EPHA4: variants seen among roughly 807,000 people sequenced by gnomAD.
The protein encoded by EPHA4 is EPH receptor A4.
A neutral mutation model predicts 108.3 loss-of-function variants in EPHA4; 19 were observed. The observed-to-expected ratio is 0.18, with a 90% confidence interval of 0.12 to 0.26. The LOEUF is 0.26. Among genes scored for constraint, EPHA4 ranks in the 10% least tolerant of loss-of-function variants. The probability of loss-of-function intolerance (pLI) is 1.00; values close to 1 mark genes in which losing one functional copy is unlikely to be tolerated. For synonymous variants in EPHA4, 449 were observed against 455.5 expected (o/e 0.99, Z 0.18); for missense variants, 917 against 1,254.0 (o/e 0.73, Z 4.06).
chr2:221,449,662 C>T (rs530643318), intron 8 of EPHA4, among the ~76,000 whole-genome samples: 6 of 152,286 alleles, frequency 3.9e-5, no homozygotes, highest in East Asian at 3.9e-4. Flanking sequence ...TCTCAACCAA[C>T]GTGCTGTTCC....
chr2:221,441,465 C>T (rs538506042), intron 11 of EPHA4, among the ~76,000 whole-genome samples: 16 of 152,080 alleles, frequency 1.1e-4, no homozygotes, highest in East Asian at 3.9e-4. Context: ...CTCCCCATCC[C>T]GCTGAGAGCC....
intron 3 of EPHA4, among the ~76,000 whole-genome samples, chr2:221,504,659 G>C (rs1213893555): frequency 6.6e-6 from 1 of 151,996 alleles, no homozygotes; most frequent in Admixed American, 6.6e-5. Flanking sequence ...TAGTGCCTAA[G>C]AGTAGCTAAT....
intron 4 of EPHA4, among the ~76,000 whole-genome samples, chr2:221,490,504 A>G (rs1174081654): frequency 6.6e-6 from 1 of 152,206 alleles, no homozygotes; most frequent in Non-Finnish European, 1.5e-5. Context: ...CTCTCCCATG[A>G]TCGATGTATT....
At chr2:221,570,994 G>C (rs963633729) in intron 1 of EPHA4, among the ~76,000 whole-genome samples, 1 of 152,160 alleles carries the variant, frequency 6.6e-6, no homozygotes, top group African/African-American at 2.4e-5. Context: ...ATGCACGCAG[G>C]CCAGAGCACC....
chr2:221,531,131 T>C (rs1348844347), intron 3 of EPHA4, among the ~76,000 whole-genome samples: 5 of 152,122 alleles, frequency 3.3e-5, no homozygotes, highest in Non-Finnish European at 5.9e-5. Flanking sequence ...AAGTGAGATC[T>C]ACAATGAAAA....
chr2:221,440,440 T>G (rs3770194), intron 11 of EPHA4, among the ~76,000 whole-genome samples: 12,036 of 152,204 alleles, frequency 0.079, 628 homozygotes, highest in East Asian at 0.25. Context: ...AAAGGGAATG[T>G]TATCTTTTAA....
intron 3 of EPHA4, among the ~76,000 whole-genome samples, chr2:221,506,000 G>A (rs1378516791): frequency 6.6e-6 from 1 of 152,132 alleles, no homozygotes; most frequent in Non-Finnish European, 1.5e-5. Flanking sequence ...TTAATATAGA[G>A]TCGCTTGAGG....
Position 221,483,320 on chromosome 2 carries a change from G to A in EPHA4, c.980-630C>T, listed in dbSNP as rs1691887644. ...TCAAGGCTCCCAGACCCCTCCTCCT[G>A]CCCTTTAACTCGTGCATTCCCAGCA... On this transcript the variant is annotated intron_variant, in intron 4 of 17. Coordinates refer to ENST00000281821, the MANE Select transcript of EPHA4 (RefSeq NM_004438.5). 2.0e-5 allele frequency among the ~76,000 whole-genome samples: 3 copies of A among 152,116 alleles called. No individual in the cohort carries two copies. In the South Asian group the frequency reaches 6.2e-4, roughly 32 times the overall value.
chr2:221,483,070 T>G (rs1464355563), intron 4 of EPHA4, among the ~76,000 whole-genome samples: 2 of 152,232 alleles, frequency 1.3e-5, no homozygotes, highest in Non-Finnish European at 2.9e-5. Flanking sequence ...GTTGTGAGAC[T>G]CTGATAAATT....
rs142829011 is a variant in EPHA4 at position 221,435,069 on chromosome 2, G to A, written c.2347-778C>T. Among the ~76,000 whole-genome samples, 588 of 152,210 alleles carry A rather than the reference G, an allele frequency of 3.9e-3. 5 individuals carry two copies. The highest frequency in any genetic ancestry group is 0.013 in the African/African-American group (533 of 41,528). ...GTTCCACCTGGGGAAATTAATTCAAGTCTAATTCAGACCCCTGAGGTATCC... is the reference window on the plus strand; with the variant it reads ...GTTCCACCTGGGGAAATTAATTCAAATCTAATTCAGACCCCTGAGGTATCC... On this transcript the variant is annotated intron_variant, in intron 13 of 17. Coordinates refer to ENST00000281821, the MANE Select transcript of EPHA4 (RefSeq NM_004438.5).
chr2:221,567,204 A>G (rs530708545), intron 2 of EPHA4, among the ~76,000 whole-genome samples: 1 of 152,284 alleles, frequency 6.6e-6, no homozygotes, highest in South Asian at 2.1e-4. Context: ...TAAGAAAAAT[A>G]AGGCTCACTG....
chr2:221,486,164 T>C (rs1209881590), intron 4 of EPHA4, among the ~76,000 whole-genome samples: 1 of 152,180 alleles, frequency 6.6e-6, no homozygotes, highest in Non-Finnish European at 1.5e-5. Context: ...CTTGTTCTAA[T>C]TTTCTAGTCT....
At chr2:221,546,978 A>T (rs941411913) in intron 3 of EPHA4, among the ~76,000 whole-genome samples, 3 of 152,190 alleles carry the variant, frequency 2.0e-5, no homozygotes, top group African/African-American at 7.2e-5. Flanking sequence ...TTTTGTGGCT[A>T]TCATAATTCA....
chr2:221,499,756 A>ATATAT (rs1334015871), intron 4 of EPHA4, among the ~76,000 whole-genome samples: 10 of 26,220 alleles, frequency 3.8e-4, no homozygotes, highest in South Asian at 2.4e-3. Context: ...ATATATATAT[A>ATATAT]TTTTTTTTTT....
At chr2:221,545,919 T>G (rs1213111993) in intron 3 of EPHA4, among the ~76,000 whole-genome samples, 1 of 152,260 alleles carries the variant, frequency 6.6e-6, no homozygotes, top group Non-Finnish European at 1.5e-5. Context: ...GAAAGGTTTA[T>G]AGTTGAAAGT....
intron 3 of EPHA4, among the ~76,000 whole-genome samples, chr2:221,560,967 G>A (rs1170252422): frequency 6.6e-6 from 1 of 152,208 alleles, no homozygotes; most frequent in African/African-American, 2.4e-5. Context: ...CTCTGGCTGG[G>A]CGCGGTGGCT....
chr2:221,573,363 C>A (rs1205679469), upstream of EPHA4: 1 of 152,240 alleles, frequency 6.6e-6, no homozygotes, highest in Non-Finnish European at 1.5e-5. This position sits in a 1 kb window ranked among gnomAD's most constrained non-coding sequence, Gnocchi z 4.5. Flanking sequence ...CTGCTCCGGC[C>A]CCGGGGGCAC....
intron 3 of EPHA4, among the ~76,000 whole-genome samples, chr2:221,513,637 C>G (rs1419823236): frequency 6.6e-6 from 1 of 151,916 alleles, no homozygotes; most frequent in Non-Finnish European, 1.5e-5. Flanking sequence ...TCTGATGGGT[C>G]ACCTTTAAAA....
rs529476357 is a variant in EPHA4, at chr2:221,491,698, G to A, written c.980-9008C>T. Among the ~76,000 whole-genome samples the A allele has an allele frequency of 2.6e-5, 4 of 152,088 alleles. No homozygotes were observed. In the East Asian group the frequency reaches 7.7e-4, roughly 29 times the overall value. The stretch of plus-strand genomic sequence containing the variant: ...TGATCCTCTTTTATCATTTTCATGG[G>A]GATTATCTTTTCTGCCTTGTTCCTA... On this transcript the variant is annotated intron_variant, in intron 4 of 17. Transcript: ENST00000281821.
Sources: gnomAD v4.1 joint callset for allele counts (sites outside exome capture counted in the v4.1 genomes callset) on GRCh38, gnomAD v4.1.1 for gene constraint, Gnocchi (gnomAD v3.1) non-coding constraint, MANE v1.5 for transcripts, NCBI Gene and HGNC (gene_info 2026-07-23, HGNC 2026-07-21) for gene names.